SCN7A: variants seen among roughly 807,000 people sequenced by gnomAD.
SCN7A encodes the protein sodium channel protein type 7 subunit alpha.
A neutral mutation model predicts 155.2 loss-of-function variants in SCN7A; 138 were observed. The observed-to-expected ratio is 0.89, with a 90% confidence interval of 0.77 to 1.02. The LOEUF is 1.02. Among genes scored for constraint, SCN7A ranks in the 50% least tolerant of loss-of-function variants. The probability of loss-of-function intolerance (pLI) is 0.00; values close to 1 mark genes in which losing one functional copy is unlikely to be tolerated. For missense variants in SCN7A, 2,058 were observed against 1,986.6 expected (o/e 1.04, Z -0.68); for synonymous variants, 693 against 649.0 (o/e 1.07, Z -1.03).
At chr2:166,481,058 G>A (rs1214929642) in intron 2 of SCN7A, among the ~76,000 whole-genome samples, 10 of 152,082 alleles carry the variant, frequency 6.6e-5, no homozygotes, top group Non-Finnish European at 1.0e-4. Context: ...CAATGGATAC[G>A]ACATATCCAA....
chr2:166,416,951 G>T lies in SCN7A; in HGVS notation c.3170C>A (p.Pro1057His). Residue 1057 changes from proline to histidine, a missense_variant, in exon 21 of 26, where the codon CCC becomes CAC. Pro to His is a moderately conservative substitution (Grantham distance 77, BLOSUM62 -2). Coordinates refer to ENST00000643258, the MANE Select transcript of SCN7A (RefSeq NM_002976.4). ...VVRALIKTTLPTLNVFLVCLM... is the reference protein window; with the variant it reads ...VVRALIKTTLHTLNVFLVCLM... ...GCAGACAAGAAACACATTCAAAGTG[G>T]GTAAGGTTGTTTTGATCAAAGCTCT... The T allele has an allele frequency of 6.2e-7, 1 of 1,607,240 alleles. No individual in the cohort carries two copies. Among genetic ancestry groups the T allele is most frequent in the Non-Finnish European group, 8.5e-7 (1 of 1,176,436 alleles).
chr2:166,474,297 C>T lies in SCN7A; in HGVS notation c.282G>A (p.Ala94=), dbSNP rs199938114. ...GAGACAATGTACACAAGATGGAAGC[C>T]GCATTGAATCTGAAGATTGTTCTAT... The part of the protein sequence containing the change: ...NKNRTIFRFN[A]ASILCTLSPF... Residue 94 remains alanine, a synonymous_variant, in exon 4 of 26, where the codon GCG becomes GCA. Transcript: ENST00000643258. 3.8e-5 allele frequency: 58 copies of T among 1,526,958 alleles called. No individual in the cohort carries two copies. The highest frequency in any genetic ancestry group is 1.4e-4 in the Admixed American group (7 of 49,238). 94.6% of individuals were successfully genotyped at this position (1,526,958 alleles called of 1,614,324 possible). A position where few individuals can be genotyped will look rare whatever the true frequency, so the allele number is the denominator to read the frequency against.
intron 21 of SCN7A, among the ~76,000 whole-genome samples, chr2:166,415,446 A>G (rs1473967398): frequency 1.3e-5 from 2 of 151,750 alleles, no homozygotes; most frequent in African/African-American, 2.4e-5. Context: ...GACGGTCTTG[A>G]TCTCTTGACC....
Position 166,404,267 on chromosome 2 carries a change from T to C in SCN7A, c.*1313A>G, listed in dbSNP as rs1034635163. On this transcript the variant is annotated 3_prime_UTR_variant, in exon 26 of 26. Coordinates refer to ENST00000643258, the MANE Select transcript of SCN7A (RefSeq NM_002976.4). Reference sequence around the variant, plus strand: ...ACATAGAAGTAAATGACTATATTTGTATGAATAAGTCTAAGGACAACTATT... The same window carrying C: ...ACATAGAAGTAAATGACTATATTTGCATGAATAAGTCTAAGGACAACTATT... The C allele has an allele frequency of 6.6e-6, 1 of 152,014 alleles. No homozygotes were observed. The highest frequency in any genetic ancestry group is 1.5e-5 in the Non-Finnish European group (1 of 67,948). 9.4% of individuals were successfully genotyped at this position (152,014 alleles called of 1,614,324 possible).
rs191896467 is a variant in SCN7A at position 166,463,074 on chromosome 2, T to C, written c.942-544A>G. ...TGATGGAAAATAGTACTGATACAACTGCAATGGTTGAGGGTATAATTTTCA... is the reference window on the plus strand; with the variant it reads ...TGATGGAAAATAGTACTGATACAACCGCAATGGTTGAGGGTATAATTTTCA... On this transcript the variant is annotated intron_variant, in intron 9 of 25. Transcript: ENST00000643258. 7.4e-3 allele frequency among the ~76,000 whole-genome samples: 1,133 copies of C among 152,290 alleles called. 13 individuals carry two copies. Among genetic ancestry groups the C allele is most frequent in the African/African-American group, 0.026 (1,099 of 41,568 alleles).
chr2:166,421,812 A>T (rs1024685852), intron 19 of SCN7A, among the ~76,000 whole-genome samples: 1 of 152,132 alleles, frequency 6.6e-6, no homozygotes, highest in African/African-American at 2.4e-5. Context: ...CATTACAAAA[A>T]AGTATAACCA....
At chr2:166,425,751 G>T (rs1050046686) in intron 18 of SCN7A, among the ~76,000 whole-genome samples, 2 of 151,948 alleles carry the variant, frequency 1.3e-5, no homozygotes, top group African/African-American at 2.4e-5. Context: ...ATTATATTAG[G>T]CTCAGCTAGA....
intron 6 of SCN7A, 69 bp from the exon 7 acceptor site, chr2:166,470,775 G>A: frequency 1.5e-6 from 2 of 1,378,244 alleles, no homozygotes; most frequent in Admixed American, 2.6e-5. Context: ...GGCTTTTTAT[G>A]GTTATTGAAA....
intron 15 of SCN7A, among the ~76,000 whole-genome samples, chr2:166,434,076 A>G (rs1453205765): frequency 6.6e-6 from 1 of 152,176 alleles, no homozygotes; most frequent in East Asian, 1.9e-4. Context: ...GAGCATCTCC[A>G]AAGACTCATA....
chr2:166,464,304 C>G (rs1317489654), intron 9 of SCN7A, among the ~76,000 whole-genome samples: 1 of 151,960 alleles, frequency 6.6e-6, no homozygotes, highest in Non-Finnish European at 1.5e-5. Context: ...TCTCCTCCCC[C>G]AGAAGCCTTT....
chr2:166,456,502 C>CA (rs1464536738), intron 11 of SCN7A, among the ~76,000 whole-genome samples: 3 of 152,014 alleles, frequency 2.0e-5, no homozygotes, highest in South Asian at 2.1e-4. Flanking sequence ...AAAACCCAAA[C>CA]AAAAAAATAT....
intron 2 of SCN7A, among the ~76,000 whole-genome samples, chr2:166,484,328 T>C (rs1045165747): frequency 1.3e-5 from 2 of 151,852 alleles, no homozygotes; most frequent in African/African-American, 2.4e-5. Flanking sequence ...GAGGTAAATA[T>C]ACATAATTAA....
intron 20 of SCN7A, among the ~76,000 whole-genome samples, chr2:166,418,277 C>A (rs1158624615): frequency 1.4e-5 from 2 of 140,804 alleles, no homozygotes; most frequent in Non-Finnish European, 3.0e-5. Flanking sequence ...CACGCCACCC[C>A]GCCAGGCTTT....
At chr2:166,425,980 A>G (rs1436760987) in intron 18 of SCN7A, among the ~76,000 whole-genome samples, 1 of 152,100 alleles carries the variant, frequency 6.6e-6, no homozygotes, top group Admixed American at 6.6e-5. Flanking sequence ...CTCCAGCACC[A>G]CAGGAGTTAA....
chr2:166,441,090 G>T (rs561226829), intron 15 of SCN7A: 18 of 405,870 alleles, frequency 4.4e-5, no homozygotes, highest in African/African-American at 3.5e-4. Flanking sequence ...CACATACAGT[G>T]CAACTGAGCA....
intron 3 of SCN7A, 137 bp from the exon 4 acceptor site, chr2:166,474,481 T>C (rs1454073318): frequency 1.4e-5 from 5 of 366,910 alleles, no homozygotes; most frequent in Admixed American, 4.6e-5. Context: ...TATATTTTTA[T>C]AGACTAAGTC....
At chr2:166,423,790 T>C (rs1399941407) in intron 18 of SCN7A, among the ~76,000 whole-genome samples, 2 of 152,110 alleles carry the variant, frequency 1.3e-5, no homozygotes, top group Non-Finnish European at 2.9e-5. Flanking sequence ...GGATCTTATA[T>C]GTAATTCCAG....
chr2:166,462,893 G>T (rs1702446351), intron 9 of SCN7A, among the ~76,000 whole-genome samples: 1 of 152,142 alleles, frequency 6.6e-6, no homozygotes, highest in African/African-American at 2.4e-5. Context: ...GAGCTAATTA[G>T]CATATGCATA....
At chr2:166,470,543 A>T in intron 7 of SCN7A, 72 bp downstream of exon 7, 1 of 1,267,080 alleles carries the variant, frequency 7.9e-7, no homozygotes, top group Non-Finnish European at 1.1e-6. Flanking sequence ...GAACAACAAC[A>T]GGGAAGTTCA....
Sources: allele counts gnomAD v4.1 joint callset (sites outside exome capture counted in the v4.1 genomes callset), GRCh38; gene constraint gnomAD v4.1.1; transcripts MANE v1.5; gene names NCBI Gene and HGNC (gene_info 2026-07-23, HGNC 2026-07-21).